CIMAP1A: variants seen among roughly 807,000 people sequenced by gnomAD.
CIMAP1A encodes the protein cancer/testis antigen 135.
At chr11:198,061 CCT>C in the CIMAP1A span, 2 of 1,544,300 alleles carry the variant, frequency 1.3e-6, no homozygotes, top group East Asian at 2.4e-5. Flanking sequence ...CTGGACACCC[CCT>C]GACCCGACTT....
the CIMAP1A span, chr11:199,256 G>A: frequency 0.21 from 317,829 of 1,490,784 alleles, 39,433 homozygotes; most frequent in East Asian, 0.57. Context: ...CTTGATGCAC[G>A]GGCACCAACT....
At chr11:198,059 C>A in the CIMAP1A span, 1 of 1,543,840 alleles carries the variant, frequency 6.5e-7, no homozygotes, top group Non-Finnish European at 8.7e-7. Flanking sequence ...TCCTGGACAC[C>A]CCCTGACCCG....
At chr11:197,374 A>G in the CIMAP1A span, 9 of 1,599,550 alleles carry the variant, frequency 5.6e-6, no homozygotes, top group Admixed American at 1.7e-5. Flanking sequence ...GGCCCTCTAC[A>G]GCAGCCCTGG....
chr11:198,174 G>A, the CIMAP1A span: 2 of 1,608,626 alleles, frequency 1.2e-6, no homozygotes, highest in East Asian at 2.2e-5. Flanking sequence ...GCTTGTCCCA[G>A]CAGCCCCCTT....
the CIMAP1A span, chr11:197,743 A>T: frequency 6.2e-7 from 1 of 1,613,588 alleles, no homozygotes; most frequent in Non-Finnish European, 8.5e-7. Context: ...AACCAAGACC[A>T]TGCTGACTCC....
At chr11:199,290 A>G in the CIMAP1A span, 3 of 1,528,734 alleles carry the variant, frequency 2.0e-6, no homozygotes, top group East Asian at 7.4e-5. Flanking sequence ...GTTGACTCAG[A>G]GCCTGAGTTT....
chr11:200,067 T>G, the CIMAP1A span: 1 of 1,607,884 alleles, frequency 6.2e-7, no homozygotes, highest in Non-Finnish European at 8.5e-7. Flanking sequence ...ACACCCGGCA[T>G]CTACACAAGA....
chr11:198,603 T>G, the CIMAP1A span: 1 of 1,590,736 alleles, frequency 6.3e-7, no homozygotes, highest in African/African-American at 1.3e-5. Flanking sequence ...CCACCCCAAC[T>G]GAGAACAGAG....
the CIMAP1A span, chr11:197,036 C>G: frequency 1.4e-5 from 4 of 295,814 alleles, no homozygotes; most frequent in Non-Finnish European, 1.9e-5. Context: ...CCCTTAGAGC[C>G]GAGAACAGTG....
chr11:198,306 C>T, the CIMAP1A span: 2 of 1,613,882 alleles, frequency 1.2e-6, no homozygotes, highest in Non-Finnish European at 1.7e-6. Flanking sequence ...CCCAGGTCCG[C>T]AGCAGCCCCA....
chr11:199,556 T>C, the CIMAP1A span: 1 of 1,464,726 alleles, frequency 6.8e-7, no homozygotes, highest in Non-Finnish European at 9.1e-7. Flanking sequence ...GGCAGGGTCC[T>C]GGCCCAGAGG....
chr11:197,381 C>T, the CIMAP1A span: 2 of 1,600,390 alleles, frequency 1.2e-6, no homozygotes, highest in South Asian at 2.2e-5. Flanking sequence ...TACAGCAGCC[C>T]TGGACCCAAG....
chr11:199,860 G>A, the CIMAP1A span: 1 of 1,548,700 alleles, frequency 6.5e-7, no homozygotes. Flanking sequence ...GTTCAGGAAG[G>A]ACAGCAGCCC....
At chr11:198,403 G>A in the CIMAP1A span, 3 of 1,613,136 alleles carry the variant, frequency 1.9e-6, no homozygotes, top group East Asian at 2.2e-5. Context: ...AGTTGGGGGA[G>A]AGCCCCAGGG....
At chr11:197,665 G>A in the CIMAP1A span, 3 of 1,613,608 alleles carry the variant, frequency 1.9e-6, no homozygotes, top group South Asian at 3.3e-5. Flanking sequence ...CCGTTACAAT[G>A]TAAACCCCAA....
At chr11:199,972 T>C in the CIMAP1A span, 3 of 1,614,004 alleles carry the variant, frequency 1.9e-6, no homozygotes, top group African/African-American at 2.7e-5. Context: ...TGCGCCCCAG[T>C]TGTCACCTTC....
At chr11:198,559 G>A in the CIMAP1A span, 1 of 1,610,516 alleles carries the variant, frequency 6.2e-7, no homozygotes, top group Non-Finnish European at 8.5e-7. Flanking sequence ...CAGCAAGCTG[G>A]GCGGCTTCAG....
chr11:200,035 G>A, the CIMAP1A span: 94 of 1,613,510 alleles, frequency 5.8e-5, no homozygotes, highest in South Asian at 2.7e-4. Context: ...GTGGAATAAC[G>A]CCAGCCCTGC....
the CIMAP1A span, chr11:199,094 C>T: frequency 7.6e-7 from 1 of 1,318,788 alleles, no homozygotes; most frequent in East Asian, 3.2e-5. Context: ...AACAGCCTCT[C>T]TCACACACGC....
Sources: allele counts gnomAD v4.1 joint callset, GRCh38; gene constraint gnomAD v4.1.1; transcripts MANE v1.5; gene names NCBI Gene and HGNC (gene_info 2026-07-23, HGNC 2026-07-21).